Variants in EML6 observed in about 807,000 individuals in gnomAD.
The protein encoded by EML6 is EMAP like 6, also known as echinoderm microtubule-associated protein-like 6.
EML6 carries 154 observed loss-of-function variants against 240.1 expected under a neutral mutation model. The ratio of observed to expected loss-of-function variants is 0.64; its 90% CI spans 0.56 to 0.73. EML6 has a LOEUF of 0.73. Ranked by LOEUF, EML6 falls within the 30% of genes least tolerant of loss-of-function variation. The probability of loss-of-function intolerance (pLI) is 0.00; values close to 1 mark genes in which losing one functional copy is unlikely to be tolerated. For synonymous variants in EML6, 1,148 were observed against 899.0 expected (o/e 1.28, Z -4.95); for missense variants, 2,964 against 2,474.6 (o/e 1.20, Z -4.20).
At chr2:54,899,321 A>G (rs1018998801) in intron 21 of EML6, among the ~76,000 whole-genome samples, 2 of 152,198 alleles carry the variant, frequency 1.3e-5, no homozygotes, top group African/African-American at 2.4e-5. Context: ...AACAACAGAA[A>G]AGCAGGCATT....
At chr2:54,937,674 T>C (rs976069417) in intron 28 of EML6, among the ~76,000 whole-genome samples, 1 of 152,120 alleles carries the variant, frequency 6.6e-6, no homozygotes, top group Non-Finnish European at 1.5e-5. Context: ...CTGTAGATAC[T>C]GTGATATTTA....
chr2:54,816,223 C>T (rs776919223), intron 3 of EML6, among the ~76,000 whole-genome samples: 7 of 152,184 alleles, frequency 4.6e-5, no homozygotes, highest in Non-Finnish European at 1.0e-4. Context: ...ACTTTAAGGA[C>T]AGGTTCTGAC....
At chr2:54,847,094 G>A (rs754054240) in intron 8 of EML6, among the ~76,000 whole-genome samples, 7 of 151,322 alleles carry the variant, frequency 4.6e-5, no homozygotes, top group Non-Finnish European at 8.8e-5. Context: ...TTTTTGTAGA[G>A]TCTGTGTCTC....
intron 26 of EML6, among the ~76,000 whole-genome samples, chr2:54,921,174 CTATT>C (rs1158227322): frequency 6.6e-6 from 1 of 152,018 alleles, no homozygotes; most frequent in Non-Finnish European, 1.5e-5. Context: ...AAAATTATCT[CTATT>C]TATGTACAAC....
chr2:54,764,391 A>T (rs112945292), intron 2 of EML6, among the ~76,000 whole-genome samples: 249 of 152,338 alleles, frequency 1.6e-3, no homozygotes, highest in African/African-American at 5.7e-3. Flanking sequence ...GCTGATAATT[A>T]ACTCAACATC....
chr2:54,806,612 C>CAAAAAAAAAAAAAAAAAAAAAAA lies in EML6; in HGVS notation c.198-6610_198-6588dup, dbSNP rs58185994. Among the ~76,000 whole-genome samples the CAAAAAAAAAAAAAAAAAAAAAAA allele has an allele frequency of 8.7e-4, 46 of 52,862 alleles. 2 individuals carry two copies. Among genetic ancestry groups the CAAAAAAAAAAAAAAAAAAAAAAA allele is most frequent in the East Asian group, 1.6e-3 (3 of 1,882 alleles). The allele number at this position is 52,862 out of a possible 152,430, so 34.7% of individuals were successfully genotyped here. A position where few individuals can be genotyped will look rare whatever the true frequency, so the allele number is the denominator to read the frequency against. On this transcript the variant is annotated intron_variant, in intron 2 of 41. Transcript: ENST00000356458. ...TGGGCAACAAGAGTGACTCCGTCTC[C>CAAAAAAAAAAAAAAAAAAAAAAA]AAAAAAAAAAAAAAAAAAAAAAAAA...
intron 8 of EML6, among the ~76,000 whole-genome samples, chr2:54,845,131 C>T (rs1669679643): frequency 6.6e-6 from 1 of 152,188 alleles, no homozygotes; most frequent in African/African-American, 2.4e-5. Flanking sequence ...TTATGAGTCG[C>T]ATCAAAATAC....
chr2:54,915,161 C>T (rs1052426538), intron 25 of EML6, among the ~76,000 whole-genome samples: 1 of 152,170 alleles, frequency 6.6e-6, no homozygotes, highest in Non-Finnish European at 1.5e-5. Flanking sequence ...ATTTTTAATG[C>T]TCCATTTTAA....
In EML6 at chr2:54,815,340, T is replaced by A. The variant is rs2567969; in HGVS notation, c.358-1447T>A. Among the ~76,000 whole-genome samples the A allele has an allele frequency of 5.9e-5, 9 of 152,068 alleles. No homozygotes were observed. In the East Asian group the frequency reaches 1.4e-3, roughly 23 times the overall value. On this transcript the variant is annotated intron_variant, in intron 3 of 41. Transcript: ENST00000356458. ...TGTTGATGGCTATTTCTTCAGGTCC[T>A]CCTTACTCCCTGGACAGAGTTCACT...
chr2:54,833,584 A>C (rs780308981), intron 7 of EML6, among the ~76,000 whole-genome samples: 1 of 152,206 alleles, frequency 6.6e-6, no homozygotes, highest in African/African-American at 2.4e-5. Flanking sequence ...AGAATTGGTT[A>C]GTGTCAGATC....
At chr2:54,811,021 C>T (rs1202803380) in intron 2 of EML6, among the ~76,000 whole-genome samples, 1 of 152,138 alleles carries the variant, frequency 6.6e-6, no homozygotes, top group Non-Finnish European at 1.5e-5. Flanking sequence ...TGTGCCCAAG[C>T]TTGTCCTTGA....
chr2:54,760,017 T>C (rs1215255765), intron 2 of EML6, among the ~76,000 whole-genome samples: 1 of 151,850 alleles, frequency 6.6e-6, no homozygotes, highest in African/African-American at 2.4e-5. Context: ...GCTCCGATTC[T>C]GGGCCATTAC....
chr2:54,910,916 G>T (rs1195502525), intron 24 of EML6, 38 bp from the exon 25 acceptor site: 1 of 1,069,968 alleles, frequency 9.3e-7, no homozygotes, highest in Non-Finnish European at 1.4e-6. Flanking sequence ...GATAAAGTCA[G>T]ATTTTAATTA....
Position 54,847,559 on chromosome 2 carries a change from A to G in EML6, c.1123A>G (p.Ser375Gly), listed in dbSNP as rs890154056. 6.4e-7 allele frequency: 1 copy of G among 1,552,330 alleles called. No homozygotes were observed. The highest frequency in any genetic ancestry group is 8.7e-7 in the Non-Finnish European group (1 of 1,147,144). ...MEEAVRSVAFSPDGSQLALGM... is the reference protein window; with the variant it reads ...MEEAVRSVAFGPDGSQLALGM... ...AGAGGCGGTTCGCAGTGTAGCTTTC[A>G]GCCCCGACGGATCTCAGCTGGCCCT... Residue 375 changes from serine (S) to glycine (G), a missense_variant, in exon 9 of 42, where the codon AGC becomes GGC. By Grantham distance (56) the Ser-to-Gly change is moderately conservative (BLOSUM62 0). Coordinates refer to ENST00000356458, the MANE Select transcript of EML6 (RefSeq NM_001039753.4).
In EML6 at chr2:54,724,992, C is replaced by A. The variant is rs572423410; in HGVS notation, c.-70C>A. 1.2e-4 allele frequency: 157 copies of A among 1,310,768 alleles called. No homozygotes were observed. In the African/African-American group the frequency reaches 2.2e-3, roughly 19 times the overall value. The allele number at this position is 1,310,768 out of a possible 1,614,324, so 81.2% of individuals were successfully genotyped here. ...GCGCGCTGAGCCCCTGCAGGTCCGC[C>A]GCAGCCCCAGCCTCGGCGAGGACGG... On this transcript the variant is annotated 5_prime_UTR_variant, in exon 2 of 42. Transcript: ENST00000356458. This position sits in a 1 kb window ranked among gnomAD's most constrained non-coding sequence, Gnocchi z 5.2.
chr2:54,805,702 G>C (rs1670432012), intron 2 of EML6, among the ~76,000 whole-genome samples: 1 of 151,898 alleles, frequency 6.6e-6, no homozygotes, highest in South Asian at 2.1e-4. Flanking sequence ...TTTCTCCTTT[G>C]TGTAATGGTT....
intron 2 of EML6, among the ~76,000 whole-genome samples, chr2:54,735,307 C>G (rs780022916): frequency 2.0e-5 from 3 of 152,212 alleles, no homozygotes; most frequent in Admixed American, 1.3e-4. Context: ...GTCCCTGTGC[C>G]TAGCACCTTG....
At chr2:54,856,105 G>A (rs1670362233) in intron 11 of EML6, among the ~76,000 whole-genome samples, 1 of 152,214 alleles carries the variant, frequency 6.6e-6, no homozygotes, top group African/African-American at 2.4e-5. Context: ...TAAGTGTTCT[G>A]CAGTTAATGA....
At chr2:54,752,521 T>C (rs893398064) in intron 2 of EML6, among the ~76,000 whole-genome samples, 1 of 152,210 alleles carries the variant, frequency 6.6e-6, no homozygotes, top group African/African-American at 2.4e-5. Context: ...TTGCCTGATA[T>C]TGAACTTTAT....
Sources: allele counts gnomAD v4.1 joint callset (sites outside exome capture counted in the v4.1 genomes callset), GRCh38; gene constraint gnomAD v4.1.1; non-coding constraint Gnocchi (gnomAD v3.1); transcripts MANE v1.5; gene names NCBI Gene and HGNC (gene_info 2026-07-23, HGNC 2026-07-21).